The following RGSL1 variants were observed in gnomAD, a reference collection of about 807,000 sequenced individuals.
RGSL1 encodes the protein regulator of G protein signaling protein-like.
RGSL1 carries 97 observed loss-of-function variants against 124.7 expected under a neutral mutation model. The ratio of observed to expected loss-of-function variants is 0.78; its 90% CI spans 0.66 to 0.92. The LOEUF (loss-of-function observed/expected upper bound fraction) is 0.92. Among genes scored for constraint, RGSL1 ranks in the 40% least tolerant of loss-of-function variants. RGSL1 has a pLI of 0.00. For missense variants in RGSL1, 1,233 were observed against 1,288.4 expected (o/e 0.96, Z 0.66); for synonymous variants, 424 against 438.1 (o/e 0.97, Z 0.40).
chr1:182,522,003 G>C lies in RGSL1; in HGVS notation c.1826-1G>C. ...CTCCAACTTAGTGATTTTTTTTTTA[G>C]ATTTTAAAATGGAAATTATCAAGGA... On this transcript the variant is annotated splice_acceptor_variant, in intron 9 of 21. Transcript: ENST00000294854. LOFTEE classifies it high-confidence loss of function. The C allele has an allele frequency of 6.6e-7, 1 of 1,515,740 alleles. No homozygotes were observed. Among genetic ancestry groups the C allele is most frequent in the Non-Finnish European group, 8.9e-7 (1 of 1,128,390 alleles). 93.9% of individuals were successfully genotyped at this position (1,515,740 alleles called of 1,614,324 possible). A position where few individuals can be genotyped will look rare whatever the true frequency, so the allele number is the denominator to read the frequency against.
intron 15 of RGSL1, among the ~76,000 whole-genome samples, chr1:182,543,178 G>A (rs145256040): frequency 4.6e-5 from 7 of 152,168 alleles, no homozygotes; most frequent in African/African-American, 1.7e-4. Flanking sequence ...TATGATGTTA[G>A]CTGTGGGTTT....
At chr1:182,548,967 C>A in intron 17 of RGSL1, 143 bp downstream of exon 17, 1 of 962,216 alleles carries the variant, frequency 1.0e-6, no homozygotes, top group Non-Finnish European at 1.5e-6. Flanking sequence ...AAATCCTATT[C>A]ACCTCACTCC....
At chr1:182,534,660 T>C (rs1355465504) in intron 14 of RGSL1, among the ~76,000 whole-genome samples, 3 of 152,058 alleles carry the variant, frequency 2.0e-5, no homozygotes, top group Non-Finnish European at 2.9e-5. Context: ...AAACTTCATC[T>C]CTACTAAAAT....
In RGSL1 at chr1:182,527,698, A is replaced by G. The variant is rs1192805665; in HGVS notation, c.2051A>G (p.Glu684Gly). The change falls in exon 11 of 22, where the codon GAG becomes GGG. Residue 684 changes from glutamate to glycine, a missense_variant. By Grantham distance (98) the Glu-to-Gly change is moderately conservative. Coordinates refer to ENST00000294854, the MANE Select transcript of RGSL1 (RefSeq NM_001137669.2). Reference protein sequence around the residue: ...FLTAVQKISIETNEKICKSLI... With the variant: ...FLTAVQKISIGTNEKICKSLI... ...ACAGCTGTACAGAAGATCAGTATAGAGACCAATGAAAAGATTTGCAAGTCT... is the reference window on the plus strand; with the variant it reads ...ACAGCTGTACAGAAGATCAGTATAGGGACCAATGAAAAGATTTGCAAGTCT... The G allele has an allele frequency of 2.0e-5, 31 of 1,551,288 alleles. No individual in the cohort carries two copies. The Admixed American group carries it at 4.9e-4, about 25-fold the overall frequency.
intron 5 of RGSL1, 62 bp downstream of exon 5, chr1:182,472,619 A>G: frequency 6.9e-7 from 1 of 1,445,888 alleles, no homozygotes. Flanking sequence ...AGTGTCTGAT[A>G]ATCCTCAGTC....
chr1:182,459,927 T>C, intron 3 of RGSL1, 77 bp from the exon 4 acceptor site: 1 of 1,499,752 alleles, frequency 6.7e-7, no homozygotes, highest in East Asian at 2.5e-5. Context: ...GGTGATTAGT[T>C]GCCACTTACT....
intron 9 of RGSL1, among the ~76,000 whole-genome samples, chr1:182,498,436 C>T (rs1232305360): frequency 6.6e-6 from 1 of 152,078 alleles, no homozygotes; most frequent in African/African-American, 2.4e-5. Context: ...ACTAGATTAA[C>T]TCATTGCTAT....
rs1261563492 is a variant in RGSL1, at chr1:182,509,764, G to T, written c.1826-12240G>T. Among the ~76,000 whole-genome samples the T allele has an allele frequency of 2.6e-3, 354 of 135,070 alleles. 4 individuals carry two copies. The highest frequency in any genetic ancestry group is 4.9e-3 in the Non-Finnish European group (299 of 61,272). 88.6% of individuals were successfully genotyped at this position (135,070 alleles called of 152,430 possible). On this transcript the variant is annotated intron_variant, in intron 9 of 21. Coordinates refer to ENST00000294854, the MANE Select transcript of RGSL1 (RefSeq NM_001137669.2). ...GGATGGCACGGCTGGCCGGGTGGGG[G>T]GGCTGACCCCCCACCTCCCTCCCGG...
chr1:182,496,912 C>T (rs556166391), intron 9 of RGSL1, among the ~76,000 whole-genome samples: 59 of 152,116 alleles, frequency 3.9e-4, no homozygotes, highest in African/African-American at 1.4e-3. Context: ...TATAGTGGAC[C>T]CTTCAGTCTT....
At chr1:182,503,976 T>TCTC (rs1571590532) in intron 9 of RGSL1, among the ~76,000 whole-genome samples, 1 of 51,310 alleles carries the variant, frequency 1.9e-5, no homozygotes, top group African/African-American at 6.1e-5. Flanking sequence ...TGTAATTTCT[T>TCTC]TTTTTTTTTT....
rs1182688990 is a variant in RGSL1, at chr1:182,548,742, A to G, written c.2851A>G (p.Ile951Val). ...CCAGAAGGATGCCATCCTTGCTGCC[A>G]TCACAGAGGGCTACCTAGATCGGAG... is the stretch of plus-strand genomic sequence containing the variant. ...EFQKDAILAA[I>V]TEGYLDRSVF... The change falls in exon 17 of 22, where the codon ATC becomes GTC. Residue 951 changes from isoleucine to valine, a missense_variant. Coordinates refer to ENST00000294854, the MANE Select transcript of RGSL1 (RefSeq NM_001137669.2). 1.9e-6 allele frequency: 3 copies of G among 1,551,548 alleles called. No individual in the cohort carries two copies. The highest frequency in any genetic ancestry group is 1.4e-5 in the African/African-American group (1 of 73,016).
intron 10 of RGSL1, among the ~76,000 whole-genome samples, 192 bp from the exon 11 acceptor site, chr1:182,527,387 T>C (rs1284269790): frequency 2.6e-5 from 4 of 152,286 alleles, no homozygotes; most frequent in African/African-American, 9.6e-5. Flanking sequence ...GGACCAAGCT[T>C]AGAAATGGTA....
intron 6 of RGSL1, among the ~76,000 whole-genome samples, chr1:182,480,435 A>T (rs1654614708): frequency 6.6e-6 from 1 of 151,860 alleles, no homozygotes; most frequent in Non-Finnish European, 1.5e-5. Flanking sequence ...TGTCTCTAAA[A>T]TAATAAAATG....
chr1:182,543,323 T>C (rs974576687), intron 15 of RGSL1, among the ~76,000 whole-genome samples: 2 of 152,232 alleles, frequency 1.3e-5, no homozygotes, highest in Non-Finnish European at 2.9e-5. Flanking sequence ...ACTCTTATTC[T>C]TGATTCTGTT....
At chr1:182,472,307 G>A in intron 4 of RGSL1, 89 bp from the exon 5 acceptor site, 2 of 1,207,810 alleles carry the variant, frequency 1.7e-6, no homozygotes, top group Non-Finnish European at 2.3e-6. Context: ...GAACAGGCTG[G>A]TGGGGGATGT....
At chr1:182,521,972 A>C (rs607269) in intron 9 of RGSL1, 32 bp from the exon 10 acceptor site, 1,171,081 of 1,348,722 alleles carry the variant, frequency 0.87, 511,214 homozygotes, top group Non-Finnish European at 0.89. Context: ...CTTATAATAT[A>C]GTGTTCTCCA....
At chr1:182,451,361 C>T (rs1220365887) in intron 1 of RGSL1, among the ~76,000 whole-genome samples, 1 of 152,014 alleles carries the variant, frequency 6.6e-6, no homozygotes, top group Non-Finnish European at 1.5e-5. Context: ...GGAGGATATA[C>T]GTGATGGTAT....
At chr1:182,531,469 A>G (rs1357369833) in intron 13 of RGSL1, among the ~76,000 whole-genome samples, 1 of 152,208 alleles carries the variant, frequency 6.6e-6, no homozygotes, top group Non-Finnish European at 1.5e-5. Context: ...CAACAAAAAA[A>G]TACATGCCCC....
At chr1:182,491,265 G>T (rs1380122786) in intron 8 of RGSL1, among the ~76,000 whole-genome samples, 2 of 151,942 alleles carry the variant, frequency 1.3e-5, no homozygotes, top group Admixed American at 6.6e-5. Context: ...TCCCAGGCTG[G>T]AGTGCAGTGG....
Sources: gnomAD v4.1 joint callset for allele counts (sites outside exome capture counted in the v4.1 genomes callset) on GRCh38, gnomAD v4.1.1 for gene constraint, MANE v1.5 for transcripts, NCBI Gene and HGNC (gene_info 2026-07-23, HGNC 2026-07-21) for gene names.